NOX4: variants seen among roughly 807,000 people sequenced by gnomAD.
NOX4 encodes kidney oxidase-1.
In NOX4, 69 loss-of-function variants were observed where a neutral mutation model predicts 87.6. That is an observed-to-expected ratio of 0.79 (90% CI 0.65 to 0.96). The LOEUF is 0.96. NOX4 is among the 40% of genes least tolerant of loss of function. The pLI is 0.00. For synonymous variants in NOX4, 275 were observed against 238.2 expected (o/e 1.15, Z -1.42); for missense variants, 680 against 681.5 (o/e 1.00, Z 0.02).
At chr11:89,460,651 G>A (rs1401346350) in intron 2 of NOX4, among the ~76,000 whole-genome samples, 1 of 152,082 alleles carries the variant, frequency 6.6e-6, no homozygotes, top group Non-Finnish European at 1.5e-5. Flanking sequence ...TAAAAAGTCA[G>A]GAAACAACAG....
At chr11:89,531,426 AT>A in the NOX4 span, among the ~76,000 whole-genome samples, 1 of 152,308 alleles carries the variant, frequency 6.6e-6, no homozygotes, top group South Asian at 2.1e-4. Context: ...ACAGTCCTGA[AT>A]TTGAATACCA....
chr11:89,485,301 G>A (rs987760120), intron 2 of NOX4, among the ~76,000 whole-genome samples: 1 of 151,794 alleles, frequency 6.6e-6, no homozygotes, highest in South Asian at 2.1e-4. Context: ...GTGAATAAAA[G>A]CAAAATAAAA....
At chr11:89,440,412 TG>T (rs1292585113) in intron 6 of NOX4, among the ~76,000 whole-genome samples, 3 of 152,076 alleles carry the variant, frequency 2.0e-5, no homozygotes, top group Non-Finnish European at 2.9e-5. Context: ...TTCTGCCTCC[TG>T]GGTTCAAGTG....
chr11:89,454,913 C>T (rs953008708), intron 2 of NOX4, among the ~76,000 whole-genome samples: 6 of 152,086 alleles, frequency 3.9e-5, no homozygotes, highest in African/African-American at 1.4e-4. Context: ...TGTCAAAAGT[C>T]AAACTAGTTG....
intron 2 of NOX4, among the ~76,000 whole-genome samples, chr11:89,471,443 G>A (rs1945936358): frequency 6.6e-6 from 1 of 152,110 alleles, no homozygotes. Context: ...AAAGTAAGCT[G>A]TACAATTTTT....
chr11:89,365,298 A>T (rs1317589908), intron 12 of NOX4, among the ~76,000 whole-genome samples: 2 of 152,096 alleles, frequency 1.3e-5, no homozygotes, highest in Non-Finnish European at 2.9e-5. Flanking sequence ...ACTTTATTTT[A>T]AAAAAATCAA....
chr11:89,358,530 C>A (rs1166451206), intron 12 of NOX4, among the ~76,000 whole-genome samples: 2 of 149,890 alleles, frequency 1.3e-5, no homozygotes, highest in East Asian at 1.9e-4. Flanking sequence ...TAAATGTGAA[C>A]AATTAATTTT....
chr11:89,489,117 A>G, intron 2 of NOX4: 1 of 613,864 alleles, frequency 1.6e-6, no homozygotes, highest in Non-Finnish European at 2.9e-6. Context: ...AGATTATGAT[A>G]TTACTTTGTT....
chr11:89,454,578 A>C (rs900959323), intron 2 of NOX4, among the ~76,000 whole-genome samples: 1 of 152,124 alleles, frequency 6.6e-6, no homozygotes, highest in Non-Finnish European at 1.5e-5. Flanking sequence ...TTAAATTATA[A>C]TAAGAAAGTG....
At chr11:89,506,275 A>AG in the NOX4 span, among the ~76,000 whole-genome samples, 1 of 130,170 alleles carries the variant, frequency 7.7e-6, no homozygotes, top group African/African-American at 2.9e-5. Flanking sequence ...GAAAGAAAGA[A>AG]AAAGAAAGGA....
At chr11:89,347,796 C>T (rs1946282776) in intron 13 of NOX4, among the ~76,000 whole-genome samples, 1 of 152,188 alleles carries the variant, frequency 6.6e-6, no homozygotes, top group African/African-American at 2.4e-5. Context: ...CAGTACAAAC[C>T]ATTATCATTT....
chr11:89,424,376 T>TATA (rs1943257910), intron 7 of NOX4, among the ~76,000 whole-genome samples: 1 of 150,990 alleles, frequency 6.6e-6, no homozygotes, highest in Admixed American at 6.6e-5. Context: ...ATAATTACCA[T>TATA]TATTTCCAGA....
At chr11:89,476,262 A>T (rs549168185) in intron 2 of NOX4, among the ~76,000 whole-genome samples, 1 of 152,146 alleles carries the variant, frequency 6.6e-6, no homozygotes, top group African/African-American at 2.4e-5. Flanking sequence ...CCCAAGCTTG[A>T]TGTTACATTT....
At chr11:89,548,703 C>A in the NOX4 span, 1 of 152,176 alleles carries the variant, frequency 6.6e-6, no homozygotes, top group African/African-American at 2.4e-5. Context: ...TGCCATGCCA[C>A]CCAGCAGATA....
the NOX4 span, among the ~76,000 whole-genome samples, chr11:89,503,418 T>A: frequency 1.3e-5 from 2 of 151,990 alleles, no homozygotes; most frequent in African/African-American, 2.4e-5. Flanking sequence ...AATATAACTG[T>A]AGTATAATAT....
chr11:89,419,798 T>C (rs1280946353), intron 8 of NOX4, among the ~76,000 whole-genome samples: 5 of 151,958 alleles, frequency 3.3e-5, no homozygotes, highest in Admixed American at 3.3e-4. Context: ...TCCTCCTCTT[T>C]AAAAAGAAGT....
the NOX4 span, among the ~76,000 whole-genome samples, chr11:89,511,415 AT>A: frequency 6.6e-6 from 1 of 151,718 alleles, no homozygotes; most frequent in Non-Finnish European, 1.5e-5. Flanking sequence ...TCTTCCCCCT[AT>A]CCTCTGGTAA....
intron 12 of NOX4, among the ~76,000 whole-genome samples, chr11:89,358,936 A>G (rs1938298269): frequency 6.6e-6 from 1 of 152,054 alleles, no homozygotes; most frequent in African/African-American, 2.4e-5. Flanking sequence ...GCCACTGGAA[A>G]AAAAAAAACA....
chr11:89,339,513 T>C (rs1211746877), intron 15 of NOX4, among the ~76,000 whole-genome samples: 1 of 152,172 alleles, frequency 6.6e-6, no homozygotes, highest in East Asian at 1.9e-4. Flanking sequence ...ACTTGTATAG[T>C]GTGAATAAAG....
Sources: gnomAD v4.1 joint callset for allele counts (sites outside exome capture counted in the v4.1 genomes callset) on GRCh38, gnomAD v4.1.1 for gene constraint, MANE v1.5 for transcripts, NCBI Gene and HGNC (gene_info 2026-07-23, HGNC 2026-07-21) for gene names.